The following PDE5A variants were observed in gnomAD, a reference collection of about 807,000 sequenced individuals.
The protein encoded by PDE5A is phosphodiesterase 5A.
PDE5A carries 67 observed loss-of-function variants against 110.2 expected under a neutral mutation model. That is an observed-to-expected ratio of 0.61 (90% CI 0.50 to 0.75). The LOEUF is 0.75. PDE5A is among the 30% of genes least tolerant of loss of function. PDE5A has a pLI of 0.00. For synonymous variants in PDE5A, 328 were observed against 351.2 expected, an observed-to-expected ratio of 0.93 and a Z score of 0.74; for missense variants, 862 against 1,045.1, an observed-to-expected ratio of 0.82 and a Z score of 2.42.
intron 3 of PDE5A, among the ~76,000 whole-genome samples, chr4:119,576,315 C>A (rs1466097791): frequency 1.3e-5 from 2 of 152,200 alleles, no homozygotes; most frequent in Non-Finnish European, 2.9e-5. Flanking sequence ...AGGACTTGAA[C>A]TCAGCTCTGC....
chr4:119,511,808 G>A (rs2110462520), intron 14 of PDE5A, among the ~76,000 whole-genome samples: 1 of 152,186 alleles, frequency 6.6e-6, no homozygotes, highest in East Asian at 1.9e-4. Flanking sequence ...TTGGCTGAGT[G>A]AAGAGAAAGG....
intron 3 of PDE5A, among the ~76,000 whole-genome samples, chr4:119,592,456 TA>T (rs55997249): frequency 5.9e-4 from 39 of 66,178 alleles, no homozygotes; most frequent in African/African-American, 2.0e-3. Flanking sequence ...AGACTCTGTT[TA>T]AAAAAAAAAA....
chr4:119,592,315 G>A (rs1177315317), intron 3 of PDE5A, among the ~76,000 whole-genome samples: 2 of 150,988 alleles, frequency 1.3e-5, no homozygotes, highest in African/African-American at 2.4e-5. Flanking sequence ...GAAATTAGCC[G>A]GGCGTGGTGG....
intron 11 of PDE5A, among the ~76,000 whole-genome samples, chr4:119,534,510 C>T (rs1015615614): frequency 6.6e-6 from 1 of 152,002 alleles, no homozygotes; most frequent in Admixed American, 6.6e-5. Flanking sequence ...ATTCCGCCCG[C>T]CCCCCAACCC....
intron 3 of PDE5A, among the ~76,000 whole-genome samples, chr4:119,575,470 A>T (rs1447024616): frequency 6.6e-6 from 1 of 152,246 alleles, no homozygotes; most frequent in African/African-American, 2.4e-5. Context: ...GAAGCCCCTC[A>T]GACTAACAGC....
intron 10 of PDE5A, 158 bp from the exon 11 acceptor site, chr4:119,539,177 C>A: frequency 1.6e-6 from 1 of 637,502 alleles, no homozygotes. Context: ...AGTGAAAAAC[C>A]CAGATTTAGA....
intron 3 of PDE5A, among the ~76,000 whole-genome samples, chr4:119,591,542 C>A (rs776030194): frequency 4.6e-5 from 7 of 152,132 alleles, no homozygotes; most frequent in Non-Finnish European, 1.0e-4. Context: ...ATTTTCACGA[C>A]AAAGAGTAGT....
chr4:119,612,068 G>A (rs7681980), intron 1 of PDE5A, among the ~76,000 whole-genome samples: 71,508 of 152,018 alleles, frequency 0.47, 17,122 homozygotes, highest in South Asian at 0.64. Flanking sequence ...TCTTATATAA[G>A]ACATATGCTA....
chr4:119,626,674 C>T (rs72678557), intron 1 of PDE5A, among the ~76,000 whole-genome samples: 139 of 152,256 alleles, frequency 9.1e-4, no homozygotes, highest in Non-Finnish European at 1.7e-3. Flanking sequence ...CGACAGCAAC[C>T]GATCATTCTA....
chr4:119,502,582 G>A lies in PDE5A; in HGVS notation c.2405C>T (p.Thr802Ile). The change falls in exon 19 of 21, where the codon ACT (threonine) becomes ATT (isoleucine). Residue 802 changes from threonine (T) to isoleucine (I), a missense_variant and splice_region_variant. By Grantham distance (89) the Thr-to-Ile change is moderately conservative (BLOSUM62 -1). Coordinates refer to ENST00000354960, the MANE Select transcript of PDE5A (RefSeq NM_001083.4). ...RERKELNIEP[T>I]DLMNREKKNK... ...CTACCAACAAGGTTTCATACTTACA[G>A]TGGGTTCTATGTTGAGTTCTTTTCT... The A allele has an allele frequency of 6.4e-7, 1 of 1,572,816 alleles. No individual in the cohort carries two copies. Among genetic ancestry groups the A allele is most frequent in the Non-Finnish European group, 8.7e-7 (1 of 1,147,324 alleles).
Position 119,628,513 on chromosome 4 carries a change from T to C in PDE5A, c.152+7A>G, listed in dbSNP as rs201722250. The C allele has an allele frequency of 9.4e-5, 148 of 1,567,324 alleles. No individual in the cohort carries two copies. In the South Asian group the frequency reaches 1.4e-3, roughly 15 times the overall value. On this transcript the variant is annotated splice_region_variant and intron_variant, in intron 1 of 20. Transcript: ENST00000354960. Reference sequence around the variant, plus strand: ...AGCCCCGGGTCTTCCGTGGGTCCTCTTCTTACCTGGTGGCTTTTCTAACAA... The same window carrying C: ...AGCCCCGGGTCTTCCGTGGGTCCTCCTCTTACCTGGTGGCTTTTCTAACAA...
At chr4:119,595,195 T>C (rs974864316) in intron 3 of PDE5A, among the ~76,000 whole-genome samples, 3 of 151,994 alleles carry the variant, frequency 2.0e-5, no homozygotes, top group Admixed American at 2.0e-4. Flanking sequence ...ACACACTAGA[T>C]GGAGGAAGGA....
intron 14 of PDE5A, among the ~76,000 whole-genome samples, chr4:119,517,310 A>G (rs1725944566): frequency 6.6e-6 from 1 of 152,108 alleles, no homozygotes; most frequent in South Asian, 2.1e-4. Context: ...AGAAGATAGT[A>G]CTTTACATGG....
At chr4:119,601,120 A>T (rs557282609) in intron 2 of PDE5A, among the ~76,000 whole-genome samples, 1 of 152,294 alleles carries the variant, frequency 6.6e-6, no homozygotes, top group South Asian at 2.1e-4. Context: ...ATTTGCAACA[A>T]GCCCTTTTCA....
intron 1 of PDE5A, among the ~76,000 whole-genome samples, chr4:119,612,150 T>C (rs1729776163): frequency 6.6e-6 from 1 of 152,140 alleles, no homozygotes; most frequent in Admixed American, 6.5e-5. Context: ...TATTAGGAGG[T>C]GGGGCCTTTG....
intron 2 of PDE5A, among the ~76,000 whole-genome samples, 180 bp from the exon 3 acceptor site, chr4:119,596,792 T>G (rs1729169843): frequency 6.6e-6 from 1 of 152,092 alleles, no homozygotes. Flanking sequence ...AAAGATAAAT[T>G]GAAGTTGCTG....
intron 2 of PDE5A, among the ~76,000 whole-genome samples, chr4:119,601,139 C>T (rs976974673): frequency 6.6e-6 from 1 of 152,032 alleles, no homozygotes; most frequent in Non-Finnish European, 1.5e-5. Context: ...CAACCATACC[C>T]GAATTCACAC....
In PDE5A at chr4:119,606,834, C is replaced by G. The variant is rs764715157; in HGVS notation, c.616G>C (p.Asp206His). The G allele has an allele frequency of 1.2e-6, 2 of 1,614,168 alleles. No homozygotes were observed. The highest frequency in any genetic ancestry group is 2.2e-5 in the East Asian group (1 of 44,880). ...TCCAGTGTTGAACCTTCAGCAACAT[C>G]AAAGAGGCGGCTGATAAGAAACTTG... is the stretch of plus-strand genomic sequence containing the variant. The part of the protein sequence containing the change: ...NDKFLISRLF[D>H]VAEGSTLEEV... Residue 206 changes from aspartate (D) to histidine (H), a missense_variant, in exon 2 of 21, where the codon GAT becomes CAT. Physicochemically the swap from Asp to His is moderately conservative, Grantham distance 81 (BLOSUM62 -1). Transcript: ENST00000354960.
At chr4:119,586,553 T>C (rs1265998960) in intron 3 of PDE5A, among the ~76,000 whole-genome samples, 2 of 152,174 alleles carry the variant, frequency 1.3e-5, no homozygotes, top group African/African-American at 4.8e-5. Flanking sequence ...ACCTTAACTC[T>C]TCAAGAATAC....
Sources: allele counts gnomAD v4.1 joint callset (sites outside exome capture counted in the v4.1 genomes callset), GRCh38; gene constraint gnomAD v4.1.1; transcripts MANE v1.5; gene names NCBI Gene and HGNC (gene_info 2026-07-23, HGNC 2026-07-21).